FHIT: variants seen among roughly 807,000 people sequenced by gnomAD.
FHIT encodes bis(5'-adenosyl)-triphosphatase.
A neutral mutation model predicts 17.9 loss-of-function variants in FHIT; 19 were observed. That is an observed-to-expected ratio of 1.06 (90% CI 0.74 to 1.56). The LOEUF (loss-of-function observed/expected upper bound fraction) is 1.56, where lower values mean the gene tolerates loss of function less well. Ranked by LOEUF, FHIT falls within the 40% of genes most tolerant of loss-of-function variation. FHIT has a pLI of 0.00. For missense variants in FHIT, 248 were observed against 189.2 expected (o/e 1.31, Z -1.82); for synonymous variants, 81 against 69.7 (o/e 1.16, Z -0.81).
intron 3 of FHIT, among the ~76,000 whole-genome samples, chr3:60,828,977 AAGG>A (rs1220896349): frequency 2.0e-5 from 3 of 152,222 alleles, no homozygotes; most frequent in Non-Finnish European, 2.9e-5. Context: ...GAAGGATGAG[AAGG>A]AGAACAAGGG....
intron 2 of FHIT, among the ~76,000 whole-genome samples, chr3:61,070,680 G>T (rs928444675): frequency 6.6e-6 from 1 of 152,064 alleles, no homozygotes; most frequent in Non-Finnish European, 1.5e-5. Flanking sequence ...CCCCTTCCCA[G>T]GACACCTTTT....
Position 60,473,820 on chromosome 3 carries a change from G to A in FHIT, c.103+63040C>T, listed in dbSNP as rs543218667. On this transcript the variant is annotated intron_variant, in intron 5 of 9. Coordinates refer to ENST00000492590, the MANE Select transcript of FHIT (RefSeq NM_002012.4). Reference sequence around the variant, plus strand: ...CCTGTATAGTCCCAGCTACTCAGGAGGCCGAGGCAGGAGAATTACTTGAAC... The same window carrying A: ...CCTGTATAGTCCCAGCTACTCAGGAAGCCGAGGCAGGAGAATTACTTGAAC... Among the ~76,000 whole-genome samples the A allele has an allele frequency of 1.3e-3, 201 of 152,180 alleles. 6 individuals carry two copies. Among genetic ancestry groups the A allele is most frequent in the Admixed American group, 1.2e-3 (19 of 15,274 alleles).
intron 5 of FHIT, among the ~76,000 whole-genome samples, chr3:60,104,228 G>A (rs1704312447): frequency 1.3e-5 from 2 of 152,142 alleles, no homozygotes; most frequent in African/African-American, 2.4e-5. Context: ...TGGTCACGTA[G>A]CCATAAGAAA....
chr3:60,420,671 T>G (rs1162863756), intron 5 of FHIT, among the ~76,000 whole-genome samples: 1 of 152,166 alleles, frequency 6.6e-6, no homozygotes, highest in African/African-American at 2.4e-5. Context: ...GGCAAACTGC[T>G]CATTCATAAT....
intron 3 of FHIT, among the ~76,000 whole-genome samples, chr3:60,891,827 A>T (rs2107177889): frequency 6.6e-6 from 1 of 152,316 alleles, no homozygotes; most frequent in South Asian, 2.1e-4. Flanking sequence ...TTAAGACAAC[A>T]GCACTTCAAA....
chr3:60,914,963 A>C (rs1347705970), intron 3 of FHIT, among the ~76,000 whole-genome samples: 4 of 152,222 alleles, frequency 2.6e-5, no homozygotes, highest in African/African-American at 4.8e-5. Context: ...GGTGCTGCTT[A>C]GAAGAAACGT....
intron 4 of FHIT, among the ~76,000 whole-genome samples, chr3:60,637,716 T>TA (rs1255428586): frequency 1.3e-5 from 2 of 152,182 alleles, no homozygotes; most frequent in African/African-American, 2.4e-5. Context: ...CAGTATGTGG[T>TA]AAAAAATTGA....
chr3:61,225,035 AC>A (rs1277813165), intron 1 of FHIT, among the ~76,000 whole-genome samples: 1 of 152,208 alleles, frequency 6.6e-6, no homozygotes, highest in East Asian at 1.9e-4. Flanking sequence ...AGTCAAGGTC[AC>A]AGGCATGTAA....
Position 60,032,835 on chromosome 3 carries a change from C to T in FHIT, c.104-18683G>A, listed in dbSNP as rs142477048. On this transcript the variant is annotated intron_variant, in intron 5 of 9. Coordinates refer to ENST00000492590, the MANE Select transcript of FHIT (RefSeq NM_002012.4). ...TTGAAATGTGGCTAGAGCAAAGAAG[C>T]AACCTGAATTTCTAATTTTACTTAA... is the stretch of plus-strand genomic sequence containing the variant. Among the ~76,000 whole-genome samples the T allele has an allele frequency of 1.2e-3, 185 of 152,278 alleles. 1 individual carries two copies. The highest frequency in any genetic ancestry group is 4.1e-3 in the African/African-American group (171 of 41,558).
At chr3:59,917,571 T>C (rs1472186385) in intron 8 of FHIT, among the ~76,000 whole-genome samples, 6 of 152,164 alleles carry the variant, frequency 3.9e-5, no homozygotes, top group Admixed American at 3.9e-4. Context: ...AGGGAAGGCT[T>C]GGCATAATTC....
intron 1 of FHIT, among the ~76,000 whole-genome samples, chr3:61,220,261 C>T (rs1373733956): frequency 6.6e-6 from 1 of 152,200 alleles, no homozygotes; most frequent in Non-Finnish European, 1.5e-5. Context: ...CTTTCTAAAA[C>T]CTTTTCCTGC....
At chr3:59,935,295 G>A (rs913588060) in intron 7 of FHIT, among the ~76,000 whole-genome samples, 2 of 152,110 alleles carry the variant, frequency 1.3e-5, no homozygotes, top group Admixed American at 6.6e-5. Flanking sequence ...TTGTAGTCAT[G>A]GAGTTTATAG....
intron 5 of FHIT, among the ~76,000 whole-genome samples, chr3:60,462,200 T>A (rs889465139): frequency 6.6e-6 from 1 of 152,208 alleles, no homozygotes; most frequent in African/African-American, 2.4e-5. Flanking sequence ...AGAGCTACCA[T>A]GCAGTAAGCC....
intron 4 of FHIT, among the ~76,000 whole-genome samples, chr3:60,658,114 CT>C (rs2040159623): frequency 6.6e-6 from 1 of 152,132 alleles, no homozygotes; most frequent in Non-Finnish European, 1.5e-5. Flanking sequence ...TCCTCAGCCC[CT>C]AGCCACCATT....
At chr3:59,861,876 T>A (rs1177466095) in intron 8 of FHIT, among the ~76,000 whole-genome samples, 2 of 151,572 alleles carry the variant, frequency 1.3e-5, no homozygotes, top group Non-Finnish European at 2.9e-5. Flanking sequence ...GAAAAAAAAA[T>A]AGTCAAATAT....
At chr3:60,592,581 C>T (rs1407884664) in intron 4 of FHIT, among the ~76,000 whole-genome samples, 1 of 152,118 alleles carries the variant, frequency 6.6e-6, no homozygotes, top group Non-Finnish European at 1.5e-5. Context: ...TCCAGCCATG[C>T]CATTCACTGC....
intron 5 of FHIT, among the ~76,000 whole-genome samples, chr3:60,424,661 T>A (rs1039232412): frequency 6.6e-6 from 1 of 152,178 alleles, no homozygotes; most frequent in Non-Finnish European, 1.5e-5. Context: ...GTCTTCTCTT[T>A]GTTGTTGATC....
At chr3:59,752,082 C>G (rs1700941280) in intron 9 of FHIT, 139 bp downstream of exon 9, 1 of 572,214 alleles carries the variant, frequency 1.7e-6, no homozygotes, top group African/African-American at 1.9e-5. Flanking sequence ...AGGGTTTTCT[C>G]CCCTCCAGCT....
At chr3:60,589,379 A>C (rs1285162912) in intron 4 of FHIT, among the ~76,000 whole-genome samples, 1 of 152,038 alleles carries the variant, frequency 6.6e-6, no homozygotes, top group Non-Finnish European at 1.5e-5. Context: ...AAAGGGAGGA[A>C]GCCCATTATA....
Sources: gnomAD v4.1 joint callset for allele counts (sites outside exome capture counted in the v4.1 genomes callset) on GRCh38, gnomAD v4.1.1 for gene constraint, MANE v1.5 for transcripts, NCBI Gene and HGNC (gene_info 2026-07-23, HGNC 2026-07-21) for gene names.